The following ANKS1B variants were observed in gnomAD, a reference collection of about 807,000 sequenced individuals.
ANKS1B encodes ankyrin repeat and sterile alpha motif domain-containing protein 1B.
ANKS1B carries 36 observed loss-of-function variants against 148.3 expected under a neutral mutation model. The observed-to-expected ratio is 0.24, with a 90% CI of 0.19 to 0.32. The LOEUF is 0.32. Ranked by LOEUF, ANKS1B falls within the 10% of genes least tolerant of loss-of-function variation. The pLI, the probability that ANKS1B is intolerant of heterozygous loss-of-function variation, is 1.00. For synonymous variants in ANKS1B, 542 were observed against 560.8 expected (o/e 0.97, Z 0.47); for missense variants, 1,157 against 1,542.6 (o/e 0.75, Z 4.19).
chr12:99,892,728 C>A (rs1458960135), intron 1 of ANKS1B, among the ~76,000 whole-genome samples: 2 of 152,218 alleles, frequency 1.3e-5, no homozygotes, highest in East Asian at 3.8e-4. Flanking sequence ...CCCTCTCCTA[C>A]TCCAGCAAAT....
At chr12:99,210,957 G>T (rs530338514) in intron 14 of ANKS1B, among the ~76,000 whole-genome samples, 1 of 152,162 alleles carries the variant, frequency 6.6e-6, no homozygotes, top group Non-Finnish European at 1.5e-5. Flanking sequence ...TCTCTATTCA[G>T]CTATTCAGTC....
chr12:99,984,430 A>C lies in ANKS1B; in HGVS notation c.-193T>G. 89 of 513,886 alleles carry C rather than the reference A, an allele frequency of 1.7e-4. No individual in the cohort carries two copies. The highest frequency in any genetic ancestry group is 5.4e-4 in the Middle Eastern group (1 of 1,868). 31.8% of individuals were successfully genotyped at this position (513,886 alleles called of 1,614,324 possible). On this transcript the variant is annotated 5_prime_UTR_variant, in exon 1 of 27. Transcript: ENST00000683438. Reference sequence around the variant, plus strand: ...TCCTCTTCGGGGCGCAGCTTTTACAATGGGGATCAGACCATGTCTTGAAAG... The same window carrying C: ...TCCTCTTCGGGGCGCAGCTTTTACACTGGGGATCAGACCATGTCTTGAAAG...
intron 10 of ANKS1B, among the ~76,000 whole-genome samples, chr12:99,452,395 T>C (rs2095757633): frequency 6.6e-6 from 1 of 152,208 alleles, no homozygotes; most frequent in Admixed American, 6.5e-5. Context: ...ACTGTGTAAT[T>C]AAAAACTAAG....
At chr12:99,531,792 G>T (rs73147363) in intron 9 of ANKS1B, among the ~76,000 whole-genome samples, 9,770 of 152,276 alleles carry the variant, frequency 0.064, 435 homozygotes, top group East Asian at 0.23. Context: ...GTTTTCCATA[G>T]AGGTTTTACT....
chr12:99,099,779 T>C (rs998578628), intron 15 of ANKS1B: 3 of 152,246 alleles, frequency 2.0e-5, no homozygotes, highest in Admixed American at 2.0e-4. Flanking sequence ...AAAATTTTAA[T>C]GTTTCTTTAC....
At chr12:99,040,409 C>T (rs982005312) in intron 17 of ANKS1B, among the ~76,000 whole-genome samples, 6 of 152,126 alleles carry the variant, frequency 3.9e-5, no homozygotes, top group Admixed American at 3.3e-4. Context: ...ATGGAACTTC[C>T]TAAGTCAGCC....
intron 9 of ANKS1B, among the ~76,000 whole-genome samples, chr12:99,577,917 G>A (rs976184273): frequency 4.0e-5 from 6 of 151,474 alleles, no homozygotes; most frequent in Non-Finnish European, 7.4e-5. Context: ...TGACAGAGAC[G>A]CAAGAGAAAA....
At chr12:99,906,029 T>C (rs1603449636) in intron 1 of ANKS1B, among the ~76,000 whole-genome samples, 1 of 152,312 alleles carries the variant, frequency 6.6e-6, no homozygotes, top group African/African-American at 2.4e-5. Flanking sequence ...TTCAGGGATA[T>C]GTTAAACATG....
intron 8 of ANKS1B, among the ~76,000 whole-genome samples, chr12:99,690,362 A>C (rs575797207): frequency 1.3e-5 from 2 of 152,132 alleles, no homozygotes; most frequent in African/African-American, 4.8e-5. Context: ...TCCCAACAGT[A>C]CCCTAAAGTC....
At chr12:99,474,231 G>C (rs184438027) in intron 10 of ANKS1B, among the ~76,000 whole-genome samples, 152 of 152,046 alleles carry the variant, frequency 1.0e-3, no homozygotes, top group Admixed American at 2.6e-3. Context: ...AAGTTGGGTA[G>C]TTTACTTCTT....
chr12:99,928,021 G>A (rs2094515711), intron 1 of ANKS1B, among the ~76,000 whole-genome samples: 2 of 151,972 alleles, frequency 1.3e-5, no homozygotes, highest in African/African-American at 4.8e-5. Flanking sequence ...TTAGCTGGTT[G>A]AAGGCTGAAA....
At chr12:99,133,653 T>C (rs139789355) in intron 15 of ANKS1B, among the ~76,000 whole-genome samples, 2 of 152,340 alleles carry the variant, frequency 1.3e-5, no homozygotes, top group Non-Finnish European at 2.9e-5. Context: ...GTCTGTGTCA[T>C]CACTTCCTTC....
intron 17 of ANKS1B, among the ~76,000 whole-genome samples, chr12:99,017,521 C>T (rs2099943261): frequency 6.6e-6 from 1 of 152,084 alleles, no homozygotes; most frequent in Admixed American, 6.6e-5. Context: ...ACTGATCCTA[C>T]CTGAACTTGT....
intron 12 of ANKS1B, among the ~76,000 whole-genome samples, chr12:99,324,230 T>C (rs2085877409): frequency 1.3e-5 from 2 of 152,212 alleles, no homozygotes; most frequent in South Asian, 4.1e-4. Flanking sequence ...GGGTGCCATG[T>C]GCTGTTCTAA....
chr12:99,793,759 C>T (rs184566939), intron 4 of ANKS1B, among the ~76,000 whole-genome samples: 3 of 151,932 alleles, frequency 2.0e-5, no homozygotes, highest in South Asian at 2.1e-4. Context: ...ATATTGGTCT[C>T]GGCAAAGATT....
intron 12 of ANKS1B, among the ~76,000 whole-genome samples, chr12:99,258,095 T>G (rs1200434881): frequency 1.3e-5 from 2 of 152,166 alleles, no homozygotes; most frequent in African/African-American, 4.8e-5. Context: ...TTTGTGACAA[T>G]TTCACTTCAA....
At chr12:99,160,345 C>CTTTTTTTTTTTTTT (rs1182392964) in intron 14 of ANKS1B, among the ~76,000 whole-genome samples, 1 of 144,612 alleles carries the variant, frequency 6.9e-6, no homozygotes, top group Non-Finnish European at 1.5e-5. Context: ...TTCTAGGATT[C>CTTTTTTTTTTTTTT]TTTTTTTTTT....
In ANKS1B at chr12:99,983,346, C is replaced by A. The variant is rs1467716279; in HGVS notation, c.134+758G>T. ...AGGTACTGCTGAATGAAGACCTTGACATTTTTTTTAAATGTCATCTTAGAA... is the reference window on the plus strand; with the variant it reads ...AGGTACTGCTGAATGAAGACCTTGAAATTTTTTTTAAATGTCATCTTAGAA... On this transcript the variant is annotated intron_variant, in intron 1 of 26. Transcript: ENST00000683438. Among the ~76,000 whole-genome samples the A allele has an allele frequency of 5.9e-5, 9 of 152,246 alleles. No individual in the cohort carries two copies. The East Asian group carries it at 1.5e-3, about 26-fold the overall frequency.
chr12:99,390,012 T>G (rs1365559589), intron 12 of ANKS1B, among the ~76,000 whole-genome samples: 3 of 152,158 alleles, frequency 2.0e-5, no homozygotes, highest in African/African-American at 7.2e-5. Flanking sequence ...TTTTGTGAAT[T>G]TAAGACTCTG....
Sources: gnomAD v4.1 joint callset for allele counts (sites outside exome capture counted in the v4.1 genomes callset) on GRCh38, gnomAD v4.1.1 for gene constraint, MANE v1.5 for transcripts, NCBI Gene and HGNC (gene_info 2026-07-23, HGNC 2026-07-21) for gene names.